Variants in ZFPL1 observed in about 807,000 individuals in gnomAD.
ZFPL1 encodes zinc finger protein-like 1.
In ZFPL1, 28 loss-of-function variants were observed where a neutral mutation model predicts 32.0. That is an observed-to-expected ratio of 0.87 (90% CI 0.65 to 1.20). The LOEUF (loss-of-function observed/expected upper bound fraction) is 1.20. ZFPL1 is among the 50% of genes most tolerant of loss of function. The pLI is 0.00. For synonymous variants in ZFPL1, 165 were observed against 177.0 expected, an observed-to-expected ratio of 0.93 and a Z score of 0.54; for missense variants, 386 against 424.8, an observed-to-expected ratio of 0.91 and a Z score of 0.80.
At position 65,087,353 on chromosome 11, in the gene ZFPL1, G is replaced by A. The variant is rs747914391; in HGVS notation, c.666G>A (p.Arg222=). The part of the protein sequence containing the change: ...RKVYDTRDDD[R]TPGLHGDCDD... ...TGTATGATACGCGGGATGATGACCG[G>A]ACACCAGGCCTCCATGGAGACTGTG... The change falls in exon 7 of 8, where the codon CGG becomes CGA. Residue 222 remains arginine, a synonymous_variant. Coordinates refer to ENST00000294258, the MANE Select transcript of ZFPL1 (RefSeq NM_006782.4). 8 of 1,614,114 alleles carry A rather than the reference G, an allele frequency of 5.0e-6. No individual in the cohort carries two copies. The South Asian group carries it at 8.8e-5, about 18-fold the overall frequency.
chr11:65,087,126 G>A (rs1225100417), intron 6 of ZFPL1, 52 bp downstream of exon 6: 2 of 1,590,142 alleles, frequency 1.3e-6, no homozygotes, highest in Non-Finnish European at 1.7e-6. Context: ...GGGTGGAATG[G>A]TTTGTATAGG....
chr11:65,088,104 G>A lies in ZFPL1; in HGVS notation c.923G>A (p.Gly308Asp). ...DPLMNPHIRV[G>D]PS The stretch of plus-strand genomic sequence containing the variant: ...CTCATGAACCCTCACATCCGCGTGG[G>A]CCCCTCCTGAGCCCCCTTGCTTGTG... Residue 308 changes from glycine to aspartate, a missense_variant, in exon 8 of 8, where the codon GGC becomes GAC. Transcript: ENST00000294258. 6.2e-7 allele frequency: 1 copy of A among 1,608,722 alleles called. No individual in the cohort carries two copies. Among genetic ancestry groups the A allele is most frequent in the Non-Finnish European group, 8.5e-7 (1 of 1,179,070 alleles).
Position 65,085,123 on chromosome 11 carries a change from C to G in ZFPL1, c.111C>G (p.Val37=). 1 of 1,614,200 alleles carries G rather than the reference C, an allele frequency of 6.2e-7. No homozygotes were observed. The highest frequency in any genetic ancestry group is 8.5e-7 in the Non-Finnish European group (1 of 1,180,016). Residue 37 remains valine (V), a synonymous_variant, in exon 3 of 8, where the codon GTC becomes GTG. Transcript: ENST00000294258. ...CLVANHAKCI[V]QSYLQWLQDS... ...TCTCTCTCCCACTCCAGTGCATCGT[C>G]CAGTCCTACCTGCAATGGCTCCAAG...
chr11:65,084,469 G>A, intron 1 of ZFPL1, 91 bp downstream of exon 1: 1 of 585,730 alleles, frequency 1.7e-6, no homozygotes, highest in South Asian at 2.1e-5. Flanking sequence ...CTCTGATGGA[G>A]GGGCCTGGCC....
intron 3 of ZFPL1, chr11:65,086,034 C>T: frequency 3.5e-6 from 1 of 284,872 alleles, no homozygotes; most frequent in Non-Finnish European, 6.8e-6. Flanking sequence ...CATTTGTGCC[C>T]AGGGATGTGT....
chr11:65,087,779 G>T lies in ZFPL1; in HGVS notation c.747-149G>T, dbSNP rs193167768. 677 of 808,564 alleles carry T rather than the reference G, an allele frequency of 8.4e-4. 2 individuals are homozygous for T. Among genetic ancestry groups the T allele is most frequent in the Non-Finnish European group, 1.2e-3 (633 of 528,408 alleles). 50.1% of individuals were successfully genotyped at this position (808,564 alleles called of 1,614,324 possible). A position where few individuals can be genotyped will look rare whatever the true frequency, so the allele number is the denominator to read the frequency against. On this transcript the variant is annotated intron_variant, in intron 7 of 7. Coordinates refer to ENST00000294258, the MANE Select transcript of ZFPL1 (RefSeq NM_006782.4). ...CAGCTGGTTTGAGCTGCACAATAAC[G>T]CCCTATGGTGGCAGGTGCAGGAGTG... is the stretch of plus-strand genomic sequence containing the variant.
intron 2 of ZFPL1, 101 bp downstream of exon 2, chr11:65,084,901 C>A: frequency 7.2e-7 from 1 of 1,385,534 alleles, no homozygotes; most frequent in Non-Finnish European, 1.0e-6. Context: ...ATGTAAGCCC[C>A]ACAAGGGCAA....
intron 3 of ZFPL1, chr11:65,085,982 GAA>G: frequency 1.7e-5 from 3 of 175,182 alleles, no homozygotes; most frequent in South Asian, 2.4e-4. Context: ...TAGATATAGG[GAA>G]TGCCACTTGT....
At chr11:65,087,266 A>C in intron 6 of ZFPL1, 50 bp from the exon 7 acceptor site, 1 of 1,602,472 alleles carries the variant, frequency 6.2e-7, no homozygotes, top group Non-Finnish European at 8.5e-7. Flanking sequence ...GCCCTCCCCA[A>C]AGCGGCCAGT....
In ZFPL1 at chr11:65,086,806, T is replaced by A; in HGVS notation, c.481+14T>A. The A allele has an allele frequency of 6.2e-7, 1 of 1,614,140 alleles. No homozygotes were observed. Among genetic ancestry groups the A allele is most frequent in the South Asian group, 1.1e-5 (1 of 91,080 alleles). ...CTAGTTTTAATGGTAAGTGGTGGCT[T>A]CCACCGACTGTTTGGGCTTTAGCCT... On this transcript the variant is annotated intron_variant, in intron 5 of 7. Transcript: ENST00000294258.
intron 3 of ZFPL1, 36 bp downstream of exon 3, chr11:65,085,262 C>A (rs1477338947): frequency 1.3e-6 from 2 of 1,588,214 alleles, no homozygotes; most frequent in Non-Finnish European, 1.7e-6. Context: ...TCAGGCCAGC[C>A]TCAGGGGCCA....
In ZFPL1 at chr11:65,087,320, T is replaced by C; in HGVS notation, c.633T>C (p.Pro211=). 6.2e-7 allele frequency: 1 copy of C among 1,613,898 alleles called. No individual in the cohort carries two copies. Among genetic ancestry groups the C allele is most frequent in the Non-Finnish European group, 8.5e-7 (1 of 1,179,916 alleles). ...MGNPEPLTHA[P]RKVYDTRDDD... The stretch of plus-strand genomic sequence containing the variant: ...GCTAGTGGCTCCACCCTGTAGCCCC[T>C]AGGAAGGTGTATGATACGCGGGATG... The change falls in exon 7 of 8, where the codon CCT becomes CCC. Residue 211 remains proline, a synonymous_variant. Transcript: ENST00000294258.
intron 6 of ZFPL1, 47 bp from the exon 7 acceptor site, chr11:65,087,269 C>T (rs758163025): frequency 7.3e-5 from 117 of 1,601,592 alleles, no homozygotes; most frequent in Non-Finnish European, 9.0e-5. Flanking sequence ...CTCCCCAAAG[C>T]GGCCAGTTTT....
At chr11:65,086,285 GGGA>G (rs1947678460) in intron 3 of ZFPL1, 127 bp from the exon 4 acceptor site, 4 of 1,211,466 alleles carry the variant, frequency 3.3e-6, no homozygotes, top group Non-Finnish European at 3.6e-6. Flanking sequence ...GAACAGGACG[GGGA>G]GGAGAAGGCT....
intron 3 of ZFPL1, chr11:65,085,706 G>A: frequency 4.4e-6 from 1 of 225,168 alleles, no homozygotes; most frequent in South Asian, 5.9e-5. Flanking sequence ...AGTTTTTGAA[G>A]GAGCTCATGC....
intron 1 of ZFPL1, 99 bp downstream of exon 1, chr11:65,084,477 G>A: frequency 1.7e-6 from 1 of 590,056 alleles, no homozygotes; most frequent in Admixed American, 3.1e-5. Context: ...GAGGGGCCTG[G>A]CCGGGGGCGG....
intron 3 of ZFPL1, chr11:65,085,774 T>G (rs996801103): frequency 2.5e-5 from 5 of 201,602 alleles, no homozygotes; most frequent in African/African-American, 1.2e-4. Flanking sequence ...TTGCAGGCAC[T>G]TAATGTACAT....
In ZFPL1 at chr11:65,088,039, A is replaced by T. The variant is rs1314186454; in HGVS notation, c.858A>T (p.Leu286=). 6.2e-7 allele frequency: 1 copy of T among 1,610,652 alleles called. No homozygotes were observed. The highest frequency in any genetic ancestry group is 1.7e-5 in the Admixed American group (1 of 59,406). The change falls in exon 8 of 8, where the codon CTA becomes CTT. Residue 286 remains leucine, a synonymous_variant. Coordinates refer to ENST00000294258, the MANE Select transcript of ZFPL1 (RefSeq NM_006782.4). ...FLALLALMSR[L]GRAAADSDPN... ...CCCTCCTTGCCCTCATGTCTCGCCT[A>T]GGCCGGGCCGCAGCTGACAGCGATC...
In ZFPL1 at chr11:65,088,390, T is replaced by C; in HGVS notation, c.*276T>C. Reference sequence around the variant, plus strand: ...TGGCAGGTGGAAATAAACAACAACTTTATTAAAACACCCGAGGCAGCCTTT... The same window carrying C: ...TGGCAGGTGGAAATAAACAACAACTCTATTAAAACACCCGAGGCAGCCTTT... On this transcript the variant is annotated 3_prime_UTR_variant, in exon 8 of 8. Coordinates refer to ENST00000294258, the MANE Select transcript of ZFPL1 (RefSeq NM_006782.4). 1 of 1,481,018 alleles carries C rather than the reference T, an allele frequency of 6.8e-7. No homozygotes were observed. The highest frequency in any genetic ancestry group is 9.1e-7 in the Non-Finnish European group (1 of 1,096,704). The allele number at this position is 1,481,018 out of a possible 1,614,324, so 91.7% of individuals were successfully genotyped here. A position where few individuals can be genotyped will look rare whatever the true frequency, so the allele number is the denominator to read the frequency against.
Sources: gnomAD v4.1 joint callset for allele counts on GRCh38, gnomAD v4.1.1 for gene constraint, MANE v1.5 for transcripts, NCBI Gene and HGNC (gene_info 2026-07-23, HGNC 2026-07-21) for gene names.